PCDHGA3: variants seen among roughly 807,000 people sequenced by gnomAD.
PCDHGA3 encodes protocadherin gamma-A3.
In PCDHGA3, 40 loss-of-function variants were observed where a neutral mutation model predicts 58.5. The observed-to-expected ratio is 0.68, with a 90% CI of 0.53 to 0.89. PCDHGA3 has a LOEUF of 0.89. Ranked by LOEUF, PCDHGA3 falls within the 40% of genes least tolerant of loss-of-function variation. PCDHGA3 has a pLI of 0.00. For missense variants in PCDHGA3, 1,223 were observed against 1,195.9 expected (o/e 1.02, Z -0.33); for synonymous variants, 530 against 525.7 (o/e 1.01, Z -0.11).
chr5:141,409,690 A>T (rs778962490), intron 1 of PCDHGA3: 1 of 1,613,354 alleles, frequency 6.2e-7, no homozygotes, highest in South Asian at 1.1e-5. Context: ...CGAGTGACCT[A>T]GAGCCCCTGG....
chr5:141,352,643 G>T, intron 1 of PCDHGA3: 1 of 1,606,940 alleles, frequency 6.2e-7, no homozygotes, highest in Non-Finnish European at 8.5e-7. Flanking sequence ...TCACAAAATC[G>T]CTTATGACCC....
rs2097504446 is a variant in PCDHGA3, at chr5:141,432,472, T to C, written c.2425-62335T>C. The C allele has an allele frequency of 9.9e-6, 16 of 1,614,012 alleles. No homozygotes were observed. Among genetic ancestry groups the C allele is most frequent in the Non-Finnish European group, 1.4e-5 (16 of 1,180,036 alleles). ...TGTACCCCGCCCTCCCCACGGACGG[T>C]TCCACTGGCGTGGAGCTGGCTCCCC... On this transcript the variant is annotated intron_variant, in intron 1 of 3. Transcript: ENST00000253812. This position sits in a 1 kb window ranked among gnomAD's most constrained non-coding sequence, Gnocchi z 6.0.
At chr5:141,394,009 GTAATTATTATAGA>G (rs780846520) in intron 1 of PCDHGA3, 1 of 1,613,394 alleles carries the variant, frequency 6.2e-7, no homozygotes, top group Non-Finnish European at 8.5e-7. Context: ...AAGTCAATAG[GTAATTATTATAGA>G]TTAGTGACAA....
At chr5:141,390,405 T>C in intron 1 of PCDHGA3, 1 of 1,264,524 alleles carries the variant, frequency 7.9e-7, no homozygotes, top group Non-Finnish European at 1.1e-6. Flanking sequence ...TTTAGGAAAG[T>C]TGTAGTCAGT....
intron 3 of PCDHGA3, among the ~76,000 whole-genome samples, chr5:141,507,809 C>T (rs866898784): frequency 2.0e-5 from 3 of 152,206 alleles, no homozygotes; most frequent in Non-Finnish European, 2.9e-5. Flanking sequence ...CCCTGGGGAA[C>T]GGACCCTGGG....
Position 141,486,632 on chromosome 5 carries a change from A to G in PCDHGA3, c.2425-8175A>G, listed in dbSNP as rs1304397413. The G allele has an allele frequency of 6.2e-7, 1 of 1,613,580 alleles. No individual in the cohort carries two copies. Among genetic ancestry groups the G allele is most frequent in the Non-Finnish European group, 8.5e-7 (1 of 1,180,040 alleles). ...AGCCTCTGACCCAGACTCTGGCTTG[A>G]ATGCGCTTATCTCCTACTCACTCCT... On this transcript the variant is annotated intron_variant, in intron 1 of 3. Coordinates refer to ENST00000253812, the MANE Select transcript of PCDHGA3 (RefSeq NM_018916.4). This position sits in a 1 kb window ranked among gnomAD's most constrained non-coding sequence, Gnocchi z 5.0.
chr5:141,447,681 C>T (rs2098548531), intron 1 of PCDHGA3, among the ~76,000 whole-genome samples: 1 of 152,066 alleles, frequency 6.6e-6, no homozygotes, highest in African/African-American at 2.4e-5. Flanking sequence ...TGTTCCATAT[C>T]TTGATAGAGG....
chr5:141,492,829 C>T (rs2099744241), intron 1 of PCDHGA3, among the ~76,000 whole-genome samples: 1 of 152,232 alleles, frequency 6.6e-6, no homozygotes, highest in Non-Finnish European at 1.5e-5. Context: ...CGGCCCCTTC[C>T]TCCCGCAGGA....
At chr5:141,441,932 C>A in intron 1 of PCDHGA3, 1 of 347,904 alleles carries the variant, frequency 2.9e-6, no homozygotes. Flanking sequence ...GCGTGGCTGT[C>A]CTACCACGTG....
chr5:141,375,176 G>A (rs1430924979), intron 1 of PCDHGA3: 2 of 1,613,900 alleles, frequency 1.2e-6, no homozygotes, highest in African/African-American at 1.3e-5. Context: ...TCCAGGAACA[G>A]TAATCGCCCT....
rs368927472 is a variant in PCDHGA3 at position 141,490,874 on chromosome 5, A to G, written c.2425-3933A>G. The G allele has an allele frequency of 2.4e-5, 39 of 1,613,830 alleles. No individual in the cohort carries two copies. Among genetic ancestry groups the G allele is most frequent in the Non-Finnish European group, 3.1e-5 (36 of 1,179,960 alleles). ...CGAGACTCCGGCTCTCCCCCATTGCATGCCAACACATCTCTGCATGTGTTT... is the reference window on the plus strand; with the variant it reads ...CGAGACTCCGGCTCTCCCCCATTGCGTGCCAACACATCTCTGCATGTGTTT... On this transcript the variant is annotated intron_variant, in intron 1 of 3. Transcript: ENST00000253812. This position sits in a 1 kb window ranked among gnomAD's most constrained non-coding sequence, Gnocchi z 5.4.
chr5:141,366,358 C>G (rs746214325), intron 1 of PCDHGA3: 8 of 1,614,016 alleles, frequency 5.0e-6, no homozygotes, highest in Non-Finnish European at 6.8e-6. Context: ...CTGACCTAGG[C>G]AGTATCAAGA....
intron 1 of PCDHGA3, chr5:141,365,253 A>G (rs1763814300): frequency 8.7e-6 from 14 of 1,613,978 alleles, no homozygotes; most frequent in Non-Finnish European, 1.1e-5. Context: ...CAATCACTGG[A>G]CTATGAAGAA....
In PCDHGA3 at chr5:141,432,827, A is replaced by G. The variant is rs758445645; in HGVS notation, c.2425-61980A>G. ...AGCTAACTCTGAAACCTCAGACCTC[A>G]CTCTGTACCTGGTGGTAGCGGTGGC... On this transcript the variant is annotated intron_variant, in intron 1 of 3. Transcript: ENST00000253812. The surrounding 1 kb of genome is among the most constrained non-coding windows in gnomAD (Gnocchi z 6.0). 9 of 1,613,142 alleles carry G rather than the reference A, an allele frequency of 5.6e-6. No individual in the cohort carries two copies. Among genetic ancestry groups the G allele is most frequent in the Admixed American group, 1.7e-5 (1 of 59,958 alleles).
rs752011641 is a variant in PCDHGA3 at position 141,490,299 on chromosome 5, C to T, written c.2425-4508C>T. 1.2e-6 allele frequency: 2 copies of T among 1,614,068 alleles called. No homozygotes were observed. Among genetic ancestry groups the T allele is most frequent in the East Asian group, 2.2e-5 (1 of 44,896 alleles). Reference sequence around the variant, plus strand: ...ACAATGCCCCAGAGGTGCTATTGGCCTCTTTGGCCAACCCTGTCCTAGAGA... The same window carrying T: ...ACAATGCCCCAGAGGTGCTATTGGCTTCTTTGGCCAACCCTGTCCTAGAGA... On this transcript the variant is annotated intron_variant, in intron 1 of 3. Coordinates refer to ENST00000253812, the MANE Select transcript of PCDHGA3 (RefSeq NM_018916.4). The surrounding 1 kb of genome is among the most constrained non-coding windows in gnomAD (Gnocchi z 5.4).
At chr5:141,442,358 A>C (rs2098318223) in intron 1 of PCDHGA3, 1 of 152,304 alleles carries the variant, frequency 6.6e-6, no homozygotes, top group African/African-American at 2.4e-5. Context: ...CTGTAGCTCT[A>C]TGATGCCATA....
intron 1 of PCDHGA3, chr5:141,415,051 C>T: frequency 3.1e-6 from 5 of 1,613,458 alleles, no homozygotes; most frequent in South Asian, 1.1e-5. Flanking sequence ...GGTGGGGGAG[C>T]ACACGGGCGA....
chr5:141,393,508 T>C, intron 1 of PCDHGA3: 1 of 1,614,010 alleles, frequency 6.2e-7, no homozygotes, highest in Non-Finnish European at 8.5e-7. Context: ...CACGTGACAG[T>C]GTTGGATACA....
At chr5:141,415,503 G>A (rs1354902623) in intron 1 of PCDHGA3, 1 of 1,614,212 alleles carries the variant, frequency 6.2e-7, no homozygotes. Flanking sequence ...TCTTCCCCCA[G>A]CCCAATTATG....
Sources: allele counts gnomAD v4.1 joint callset (sites outside exome capture counted in the v4.1 genomes callset), GRCh38; gene constraint gnomAD v4.1.1; non-coding constraint Gnocchi (gnomAD v3.1); transcripts MANE v1.5; gene names NCBI Gene and HGNC (gene_info 2026-07-23, HGNC 2026-07-21).